MRTFB: variants seen among roughly 807,000 people sequenced by gnomAD.
MRTFB encodes the protein myocardin related transcription factor B, also known as myocardin-related transcription factor B.
In MRTFB, 29 loss-of-function variants were observed where a neutral mutation model predicts 104.2. The observed-to-expected ratio is 0.28, with a 90% confidence interval of 0.21 to 0.38. MRTFB has a LOEUF of 0.38. MRTFB is among the 10% of genes least tolerant of loss of function. The pLI, the probability that MRTFB is intolerant of heterozygous loss-of-function variation, is 1.00. For missense variants in MRTFB, 1,270 were observed against 1,341.6 expected, an observed-to-expected ratio of 0.95 and a Z score of 0.83; for synonymous variants, 535 against 519.5, an observed-to-expected ratio of 1.03 and a Z score of -0.41.
intron 8 of MRTFB, among the ~76,000 whole-genome samples, chr16:14,221,678 A>AACTC (rs774012294): frequency 2.0e-5 from 3 of 152,174 alleles, no homozygotes; most frequent in South Asian, 2.1e-4. Flanking sequence ...TCTTGAAAAT[A>AACTC]ACTCATTGTA....
chr16:14,217,450 A>G (rs1306492570), intron 7 of MRTFB, among the ~76,000 whole-genome samples, 163 bp downstream of exon 7: 1 of 152,232 alleles, frequency 6.6e-6, no homozygotes, highest in Non-Finnish European at 1.5e-5. Context: ...ATTATGTATT[A>G]TAAGTCTAGT....
intron 3 of MRTFB, among the ~76,000 whole-genome samples, chr16:14,173,575 T>A (rs1292275845): frequency 1.3e-5 from 2 of 151,088 alleles, no homozygotes; most frequent in Non-Finnish European, 2.9e-5. Flanking sequence ...TTCTTGAATC[T>A]GTAAATTTAT....
intron 16 of MRTFB, among the ~76,000 whole-genome samples, chr16:14,260,396 A>G (rs1176419253): frequency 2.0e-5 from 3 of 152,006 alleles, no homozygotes. Flanking sequence ...TACCTCTTTC[A>G]TAACATTGAG....
intron 3 of MRTFB, among the ~76,000 whole-genome samples, chr16:14,175,893 T>G (rs937222619): frequency 6.6e-6 from 1 of 152,170 alleles, no homozygotes; most frequent in African/African-American, 2.4e-5. Flanking sequence ...TCCATTCACT[T>G]GAAATTCTAG....
chr16:14,008,763 T>G, the MRTFB span, among the ~76,000 whole-genome samples: 1 of 152,192 alleles, frequency 6.6e-6, no homozygotes. Context: ...GTAGATCAAT[T>G]TGAGAAGTTT....
At chr16:14,232,307 C>A (rs2042302100) in intron 8 of MRTFB, among the ~76,000 whole-genome samples, 2 of 152,048 alleles carry the variant, frequency 1.3e-5, no homozygotes, top group Non-Finnish European at 2.9e-5. Context: ...GATAAGTATC[C>A]CCATTTCAAA....
At chr16:14,071,555 G>T (rs917436253) in intron 1 of MRTFB, among the ~76,000 whole-genome samples, 190 bp downstream of exon 1, 2 of 151,496 alleles carry the variant, frequency 1.3e-5, no homozygotes, top group Non-Finnish European at 1.5e-5. Context: ...CGGGGCGGCC[G>T]GGGCCGCGGG....
At chr16:14,011,159 T>C in the MRTFB span, among the ~76,000 whole-genome samples, 9 of 152,366 alleles carry the variant, frequency 5.9e-5, no homozygotes, top group South Asian at 1.9e-3. Context: ...TGTTGGGCGA[T>C]GTCATCCCAG....
intron 15 of MRTFB, among the ~76,000 whole-genome samples, chr16:14,256,565 G>A (rs1477997749): frequency 6.6e-6 from 1 of 152,186 alleles, no homozygotes; most frequent in Non-Finnish European, 1.5e-5. Flanking sequence ...CATGCCAGCA[G>A]CCATCTGGAG....
chr16:14,206,007 A>G (rs375591788), intron 3 of MRTFB, among the ~76,000 whole-genome samples: 2 of 152,152 alleles, frequency 1.3e-5, no homozygotes, highest in South Asian at 2.1e-4. Context: ...CACAAGCACA[A>G]TTTGTCAGGC....
intron 3 of MRTFB, among the ~76,000 whole-genome samples, chr16:14,161,559 G>A (rs1203308218): frequency 1.3e-5 from 2 of 152,068 alleles, no homozygotes; most frequent in African/African-American, 4.8e-5. Context: ...GACACAAATA[G>A]CACTACCCAT....
intron 3 of MRTFB, among the ~76,000 whole-genome samples, chr16:14,154,488 A>C (rs192542357): frequency 6.6e-6 from 1 of 152,306 alleles, no homozygotes; most frequent in Admixed American, 6.5e-5. Flanking sequence ...TTTAATTGCA[A>C]TATTTAGATC....
intron 8 of MRTFB, among the ~76,000 whole-genome samples, chr16:14,233,358 T>G (rs940975951): frequency 1.3e-5 from 2 of 152,170 alleles, no homozygotes; most frequent in Admixed American, 6.5e-5. Flanking sequence ...AAAGCACATT[T>G]ATGGACACAT....
chr16:14,049,846 C>T, the MRTFB span, among the ~76,000 whole-genome samples: 1 of 152,212 alleles, frequency 6.6e-6, no homozygotes, highest in Admixed American at 6.5e-5. Context: ...GATTCTCCTG[C>T]CTCAGCCTCC....
chr16:14,043,457 T>C, the MRTFB span, among the ~76,000 whole-genome samples: 1 of 152,080 alleles, frequency 6.6e-6, no homozygotes. Context: ...GTGTCTGGCA[T>C]GCACTGTGGA....
At chr16:14,054,081 GA>G in the MRTFB span, among the ~76,000 whole-genome samples, 19 of 152,276 alleles carry the variant, frequency 1.2e-4, no homozygotes, top group African/African-American at 4.6e-4. Flanking sequence ...TGTTCATGGT[GA>G]TCTGTGCCAC....
chr16:14,046,795 A>C, the MRTFB span, among the ~76,000 whole-genome samples: 1 of 152,238 alleles, frequency 6.6e-6, no homozygotes, highest in Non-Finnish European at 1.5e-5. Flanking sequence ...ACAGAGAAGG[A>C]ATCCTTTCTT....
intron 2 of MRTFB, among the ~76,000 whole-genome samples, chr16:14,104,044 GTA>G (rs1197744521): frequency 6.6e-6 from 1 of 152,206 alleles, no homozygotes; most frequent in African/African-American, 2.4e-5. Flanking sequence ...TTGTACTGAA[GTA>G]TAATCTCCCT....
At chr16:14,000,106 CAG>C in the MRTFB span, among the ~76,000 whole-genome samples, 11 of 150,382 alleles carry the variant, frequency 7.3e-5, no homozygotes, top group Non-Finnish European at 1.2e-4. Context: ...GCTGGAGAGA[CAG>C]AGAGAGAGAG....
Sources: gnomAD v4.1 joint callset for allele counts (sites outside exome capture counted in the v4.1 genomes callset) on GRCh38, gnomAD v4.1.1 for gene constraint, MANE v1.5 for transcripts, NCBI Gene and HGNC (gene_info 2026-07-23, HGNC 2026-07-21) for gene names.